The following ANXA4 variants were observed in gnomAD, a reference collection of about 807,000 sequenced individuals.
ANXA4 encodes annexin A4, also known as 35-beta calcimedin.
In ANXA4, 39 loss-of-function variants were observed where a neutral mutation model predicts 49.8. That is an observed-to-expected ratio of 0.78 (90% CI 0.61 to 1.02). The LOEUF (loss-of-function observed/expected upper bound fraction) is 1.02, where lower values mean the gene tolerates loss of function less well. Among genes scored for constraint, ANXA4 ranks in the 50% least tolerant of loss-of-function variants. The pLI, the probability that ANXA4 is intolerant of heterozygous loss-of-function variation, is 0.00. For missense variants in ANXA4, 360 were observed against 410.1 expected (o/e 0.88, Z 1.05); for synonymous variants, 134 against 152.5 (o/e 0.88, Z 0.89).
Position 69,818,669 on chromosome 2 carries a change from C to T in ANXA4, c.699C>T (p.Ser233=), listed in dbSNP as rs116265883. ...EQSIKSETSG[S]FEDALLAIVK... ...GTATTAAATCTGAAACATCTGGTAG[C>T]TTTGAAGATGCTCTGCTGGCTATAG... The change falls in exon 10 of 13, where the codon AGC becomes AGT. Residue 233 remains serine (S), a synonymous_variant. Transcript: ENST00000394295. 4.2e-3 allele frequency: 6,793 copies of T among 1,608,110 alleles called. 12 individuals carry two copies. The highest frequency in any genetic ancestry group is 5.4e-3 in the Non-Finnish European group (6,324 of 1,176,470).
At chr2:69,692,663 AC>A (rs1573109221) in intron 2 of ANXA4, among the ~76,000 whole-genome samples, 1 of 152,230 alleles carries the variant, frequency 6.6e-6, no homozygotes, top group African/African-American at 2.4e-5. Context: ...TCAGAGACCA[AC>A]TAATCCAGTT....
At chr2:69,675,279 T>C (rs1677363475) in intron 2 of ANXA4, among the ~76,000 whole-genome samples, 1 of 152,242 alleles carries the variant, frequency 6.6e-6, no homozygotes, top group African/African-American at 2.4e-5. Flanking sequence ...TCTCTTTACA[T>C]AGTAGAATCG....
upstream of ANXA4, among the ~76,000 whole-genome samples, chr2:69,740,733 C>T (rs1264418896): frequency 2.4e-5 from 3 of 126,836 alleles, no homozygotes; most frequent in African/African-American, 3.2e-5. Flanking sequence ...CCCAGGCTGG[C>T]GTGCAGTGGC....
intron 1 of ANXA4, among the ~76,000 whole-genome samples, chr2:69,753,904 T>G (rs1670948916): frequency 6.6e-6 from 1 of 152,216 alleles, no homozygotes; most frequent in African/African-American, 2.4e-5. Flanking sequence ...ATCCCAATTT[T>G]ATGCCAAAAT....
At position 69,656,189 on chromosome 2, in the gene ANXA4, G is replaced by GTATA. The variant is rs151207766; in HGVS notation, n.766+2920_766+2923dup. Among the ~76,000 whole-genome samples, 20 of 127,938 alleles carry GTATA rather than the reference G, an allele frequency of 1.6e-4. 1 individual carries two copies. The highest frequency in any genetic ancestry group is 5.7e-4 in the Admixed American group (6 of 10,548). The allele number at this position is 127,938 out of a possible 152,430, so 83.9% of individuals were successfully genotyped here. A position where few individuals can be genotyped will look rare whatever the true frequency, so the allele number is the denominator to read the frequency against. On this transcript the variant is annotated intron_variant and non_coding_transcript_variant, in intron 2 of 3. Coordinates refer to the ANXA4 transcript ENST00000418066. ...TAAAGTATAATTAAAATATATATAC[G>GTATA]TATATATATATATATACACACACAT...
At chr2:69,739,423 T>C (rs562987110), upstream of ANXA4, among the ~76,000 whole-genome samples, 125 of 151,094 alleles carry the variant, frequency 8.3e-4, no homozygotes, top group Non-Finnish European at 1.4e-3. Flanking sequence ...TTTAGGGGGG[T>C]GGGGTGGGGA....
chr2:69,717,433 G>GC (rs2105419155), intron 2 of ANXA4, among the ~76,000 whole-genome samples: 1 of 152,208 alleles, frequency 6.6e-6, no homozygotes, highest in East Asian at 1.9e-4. Flanking sequence ...ATCGACACAA[G>GC]CAGGTGGCAT....
At chr2:69,713,883 C>G (rs535685735) in intron 2 of ANXA4, 3 of 152,368 alleles carry the variant, frequency 2.0e-5, no homozygotes, top group Admixed American at 2.0e-4. Flanking sequence ...GCTGTCTACC[C>G]TGCAGCACAA....
intron 3 of ANXA4, among the ~76,000 whole-genome samples, chr2:69,796,925 G>A (rs890265276): frequency 1.3e-5 from 2 of 152,082 alleles, no homozygotes; most frequent in Admixed American, 6.5e-5. Flanking sequence ...GTTGTCTCGC[G>A]GGGCAAAGAA....
intron 2 of ANXA4, among the ~76,000 whole-genome samples, chr2:69,675,465 T>A (rs1469346371): frequency 1.3e-5 from 2 of 152,234 alleles, no homozygotes; most frequent in East Asian, 3.8e-4. Context: ...ATTTTTATTG[T>A]ATGTACATGT....
At chr2:69,712,868 C>T (rs1292703379) in intron 2 of ANXA4, among the ~76,000 whole-genome samples, 2 of 152,194 alleles carry the variant, frequency 1.3e-5, no homozygotes, top group Non-Finnish European at 2.9e-5. Context: ...ACATTTTGTG[C>T]ACCAGGTTTG....
chr2:69,790,809 T>C (rs191504836), intron 3 of ANXA4, among the ~76,000 whole-genome samples: 356 of 152,320 alleles, frequency 2.3e-3, no homozygotes, highest in African/African-American at 8.2e-3. Flanking sequence ...TAAGCAGGGT[T>C]AGTTTAAAAT....
chr2:69,657,069 A>G (rs901314000), intron 2 of ANXA4, among the ~76,000 whole-genome samples: 1 of 149,952 alleles, frequency 6.7e-6, no homozygotes, highest in South Asian at 2.1e-4. Context: ...ATCTCAGCAC[A>G]CTGCAACCTC....
intron 3 of ANXA4, among the ~76,000 whole-genome samples, chr2:69,794,331 C>A (rs1672825894): frequency 6.6e-6 from 1 of 152,198 alleles, no homozygotes; most frequent in Admixed American, 6.5e-5. Context: ...TGCTTGGAGG[C>A]AGGCTGACCA....
chr2:69,741,742 CT>C (rs916856551), upstream of ANXA4, among the ~76,000 whole-genome samples: 1 of 152,214 alleles, frequency 6.6e-6, no homozygotes, highest in African/African-American at 2.4e-5. Context: ...CAGGGAGGAA[CT>C]GGCGAGGTGG....
intron 2 of ANXA4, among the ~76,000 whole-genome samples, chr2:69,661,706 G>C (rs960962471): frequency 6.6e-6 from 1 of 152,018 alleles, no homozygotes; most frequent in Non-Finnish European, 1.5e-5. Flanking sequence ...CCAGTAGTAG[G>C]GAAAACCAAG....
At chr2:69,766,281 A>G (rs577975147) in intron 1 of ANXA4, among the ~76,000 whole-genome samples, 1 of 152,386 alleles carries the variant, frequency 6.6e-6, no homozygotes, top group East Asian at 1.9e-4. Context: ...GATAAAGATT[A>G]CTTGGAGAGA....
At chr2:69,656,353 ATG>A (rs1364554504) in intron 2 of ANXA4, among the ~76,000 whole-genome samples, 60 of 132,334 alleles carry the variant, frequency 4.5e-4, no homozygotes, top group Middle Eastern at 3.6e-3. Context: ...ATGTGTATAT[ATG>A]TGTATATATA....
chr2:69,803,239 A>G (rs1480368733), intron 3 of ANXA4, among the ~76,000 whole-genome samples: 2 of 152,008 alleles, frequency 1.3e-5, no homozygotes, highest in Admixed American at 6.6e-5. Flanking sequence ...AAGGTATGTA[A>G]ACTTAAAGTT....
Sources: gnomAD v4.1 joint callset for allele counts (sites outside exome capture counted in the v4.1 genomes callset) on GRCh38, gnomAD v4.1.1 for gene constraint, MANE v1.5 for transcripts, NCBI Gene and HGNC (gene_info 2026-07-23, HGNC 2026-07-21) for gene names.